The following FAM81A variants were observed in gnomAD, a reference collection of about 807,000 sequenced individuals.
The protein encoded by FAM81A is family with sequence similarity 81 member A, also known as protein FAM81A.
FAM81A carries 19 observed loss-of-function variants against 46.7 expected under a neutral mutation model. The ratio of observed to expected loss-of-function variants is 0.41; its 90% confidence interval spans 0.28 to 0.60. The LOEUF (loss-of-function observed/expected upper bound fraction) is 0.60, where lower values mean the gene tolerates loss of function less well. Among genes scored for constraint, FAM81A ranks in the 20% least tolerant of loss-of-function variants. FAM81A has a pLI of 0.34. For synonymous variants in FAM81A, 183 were observed against 152.9 expected (o/e 1.20, Z -1.45); for missense variants, 377 against 453.5 (o/e 0.83, Z 1.53).
chr15:59,512,782 C>G (rs1213489500), intron 6 of FAM81A, among the ~76,000 whole-genome samples: 1 of 152,172 alleles, frequency 6.6e-6, no homozygotes. Flanking sequence ...TTTTCCAAGG[C>G]TCCAGTCCTC....
chr15:59,466,015 G>A (rs377715831), intron 3 of FAM81A, among the ~76,000 whole-genome samples: 5 of 152,142 alleles, frequency 3.3e-5, no homozygotes, highest in African/African-American at 1.2e-4. Flanking sequence ...AGCCTGATCC[G>A]TGTCCCTGCA....
At chr15:59,493,738 C>A (rs1336288915) in intron 4 of FAM81A, among the ~76,000 whole-genome samples, 1 of 152,284 alleles carries the variant, frequency 6.6e-6, no homozygotes, top group East Asian at 1.9e-4. Context: ...CAGGCACTCG[C>A]CACCACGGCC....
intron 4 of FAM81A, among the ~76,000 whole-genome samples, chr15:59,502,280 C>T (rs1259548398): frequency 6.6e-6 from 1 of 151,296 alleles, no homozygotes; most frequent in Non-Finnish European, 1.5e-5. Flanking sequence ...GTGCTGCACC[C>T]ATTAACTCGT....
chr15:59,412,806 T>C (rs11855974), intron 2 of FAM81A, among the ~76,000 whole-genome samples: 77,593 of 151,642 alleles, frequency 0.51, 20,967 homozygotes, highest in Admixed American at 0.61. Flanking sequence ...CGAGGGAAAC[T>C]CTGGGCATCG....
At position 59,508,938 on chromosome 15, in the gene FAM81A, A is replaced by G; in HGVS notation, c.619A>G (p.Ser207Gly). The G allele has an allele frequency of 6.2e-7, 1 of 1,613,186 alleles. No individual in the cohort carries two copies. The highest frequency in any genetic ancestry group is 8.5e-7 in the Non-Finnish European group (1 of 1,179,386). The stretch of plus-strand genomic sequence containing the variant: ...CAAACTGAAGATGTCTCACAGAGAC[A>G]GTAACCACCAGCTTCAGCTTTTGGA... ...STKLKMSHRD[S>G]NHQLQLLDTK... is the part of the protein sequence containing the mutation. The change falls in exon 6 of 9, where the codon AGT becomes GGT. Residue 207 changes from serine to glycine, a missense_variant. Coordinates refer to ENST00000288228, the MANE Select transcript of FAM81A (RefSeq NM_152450.3).
chr15:59,508,688 G>A (rs561253138), intron 5 of FAM81A, among the ~76,000 whole-genome samples, 175 bp from the exon 6 acceptor site: 52 of 152,252 alleles, frequency 3.4e-4, no homozygotes, highest in African/African-American at 1.2e-3. Flanking sequence ...CTTGATTTTC[G>A]ATGGGTATAT....
At chr15:59,514,079 T>C (rs1280112410) in intron 6 of FAM81A, among the ~76,000 whole-genome samples, 2 of 132,422 alleles carry the variant, frequency 1.5e-5, no homozygotes, top group East Asian at 4.2e-4. Flanking sequence ...CTTGGGGGCA[T>C]GGGGGGGGCA....
At chr15:59,517,121 T>C (rs1415902976) in intron 8 of FAM81A, among the ~76,000 whole-genome samples, 2 of 152,216 alleles carry the variant, frequency 1.3e-5, no homozygotes, top group Admixed American at 1.3e-4. Flanking sequence ...GCCAATTCTT[T>C]TCTGTTCATA....
intron 3 of FAM81A, among the ~76,000 whole-genome samples, chr15:59,466,654 G>A (rs1567056079): frequency 6.6e-6 from 1 of 152,134 alleles, no homozygotes; most frequent in Non-Finnish European, 1.5e-5. Context: ...CATTCTGTAG[G>A]TTGCCTGTTC....
At chr15:59,421,856 T>G (rs2081174657) in intron 2 of FAM81A, among the ~76,000 whole-genome samples, 1 of 148,820 alleles carries the variant, frequency 6.7e-6, no homozygotes, top group African/African-American at 2.5e-5. Context: ...GGGGACAGAT[T>G]AAACCCTCAA....
At chr15:59,441,615 G>T (rs1322444746) in intron 1 of FAM81A, among the ~76,000 whole-genome samples, 2 of 152,148 alleles carry the variant, frequency 1.3e-5, no homozygotes. Flanking sequence ...TTCCTCAGAG[G>T]GCTCTGGCAT....
intron 1 of FAM81A, among the ~76,000 whole-genome samples, chr15:59,439,498 T>A (rs1291593621): frequency 6.6e-6 from 1 of 152,158 alleles, no homozygotes; most frequent in African/African-American, 2.4e-5. Flanking sequence ...ATCCACTGTC[T>A]ATAAACTTCC....
chr15:59,496,897 G>A (rs2082039838), intron 4 of FAM81A, among the ~76,000 whole-genome samples: 1 of 152,060 alleles, frequency 6.6e-6, no homozygotes, highest in South Asian at 2.1e-4. Context: ...AGGCCAAGGC[G>A]GGTGGATCTC....
intron 3 of FAM81A, among the ~76,000 whole-genome samples, chr15:59,478,081 T>C (rs1192021658): frequency 2.0e-5 from 3 of 152,178 alleles, no homozygotes; most frequent in Non-Finnish European, 4.4e-5. Context: ...GTCCTTTTAT[T>C]GGTGGTAAGC....
chr15:59,470,500 A>G (rs1399256747), intron 3 of FAM81A, among the ~76,000 whole-genome samples: 2 of 152,150 alleles, frequency 1.3e-5, no homozygotes, highest in African/African-American at 4.8e-5. Context: ...TGAATCGGCT[A>G]TTGAAGCTTG....
At chr15:59,492,532 T>A (rs1265282416) in intron 4 of FAM81A, 143 bp downstream of exon 4, 2 of 660,326 alleles carry the variant, frequency 3.0e-6, no homozygotes, top group Non-Finnish European at 5.1e-6. Context: ...GGCCATAAAA[T>A]CCAGTGGTAG....
intron 4 of FAM81A, among the ~76,000 whole-genome samples, chr15:59,505,274 G>A (rs539230378): frequency 6.6e-4 from 100 of 152,276 alleles, no homozygotes; most frequent in African/African-American, 2.4e-3. Flanking sequence ...CACTTTGGGA[G>A]GCTGAGGCGG....
At chr15:59,414,519 A>G (rs1407368336) in intron 2 of FAM81A, among the ~76,000 whole-genome samples, 1 of 152,130 alleles carries the variant, frequency 6.6e-6, no homozygotes, top group Non-Finnish European at 1.5e-5. Flanking sequence ...AGGAGAGAGT[A>G]AGTGATTTTG....
At chr15:59,490,817 C>T (rs557031718) in intron 3 of FAM81A, among the ~76,000 whole-genome samples, 18 of 152,260 alleles carry the variant, frequency 1.2e-4, no homozygotes, top group Admixed American at 9.2e-4. Context: ...GCCTGGGTGA[C>T]AGTGAGACTT....
Sources: allele counts gnomAD v4.1 joint callset (sites outside exome capture counted in the v4.1 genomes callset), GRCh38; gene constraint gnomAD v4.1.1; transcripts MANE v1.5; gene names NCBI Gene and HGNC (gene_info 2026-07-23, HGNC 2026-07-21).